PCDH15: variants seen among roughly 807,000 people sequenced by gnomAD.
PCDH15 encodes the protein protocadherin related 15, also known as protocadherin-15.
A neutral mutation model predicts 178.5 loss-of-function variants in PCDH15; 129 were observed. That is an observed-to-expected ratio of 0.72 (90% CI 0.63 to 0.84). PCDH15 has a LOEUF of 0.84. Ranked by LOEUF, PCDH15 falls within the 40% of genes least tolerant of loss-of-function variation. The pLI, the probability that PCDH15 is intolerant of heterozygous loss-of-function variation, is 0.00. For synonymous variants in PCDH15, 800 were observed against 732.0 expected, an observed-to-expected ratio of 1.09 and a Z score of -1.50; for missense variants, 2,230 against 2,099.9, an observed-to-expected ratio of 1.06 and a Z score of -1.21.
intron 2 of PCDH15, among the ~76,000 whole-genome samples, chr10:55,108,670 G>C (rs1303955623): frequency 1.3e-5 from 2 of 151,510 alleles, no homozygotes; most frequent in Non-Finnish European, 2.9e-5. Context: ...TAATATACCA[G>C]TAAACGTAAA....
At chr10:55,386,130 T>A (rs1001583856) in intron 2 of PCDH15, among the ~76,000 whole-genome samples, 2 of 151,982 alleles carry the variant, frequency 1.3e-5, no homozygotes, top group Non-Finnish European at 2.9e-5. Flanking sequence ...ACACACTAAC[T>A]ACACAAGATA....
At chr10:54,889,969 C>A (rs994060257) in intron 3 of PCDH15, among the ~76,000 whole-genome samples, 2 of 151,772 alleles carry the variant, frequency 1.3e-5, no homozygotes, top group Non-Finnish European at 2.9e-5. Context: ...ATAATTGTAC[C>A]TTTTTATTTA....
intron 2 of PCDH15, among the ~76,000 whole-genome samples, chr10:55,099,050 C>T (rs778347451): frequency 6.6e-6 from 1 of 151,958 alleles, no homozygotes; most frequent in Non-Finnish European, 1.5e-5. Flanking sequence ...GGTGTTTACC[C>T]CAGACAGTGA....
At chr10:55,013,419 G>A (rs1289151992) in intron 2 of PCDH15, among the ~76,000 whole-genome samples, 1 of 132,618 alleles carries the variant, frequency 7.5e-6, no homozygotes, top group Non-Finnish European at 1.6e-5. Context: ...ACCACACCAG[G>A]CAATTTGAAC....
At chr10:54,565,261 A>G (rs1234951170) in intron 2 of PCDH15, among the ~76,000 whole-genome samples, 1 of 152,190 alleles carries the variant, frequency 6.6e-6, no homozygotes, top group African/African-American at 2.4e-5. Flanking sequence ...GCATGTTGTC[A>G]CATAGTTGTC....
intron 1 of PCDH15, among the ~76,000 whole-genome samples, chr10:55,224,549 C>T (rs1421347081): frequency 6.6e-6 from 1 of 152,098 alleles, no homozygotes; most frequent in Non-Finnish European, 1.5e-5. Flanking sequence ...TCTAGACCAA[C>T]TAACCTTAGC....
intron 1 of PCDH15, among the ~76,000 whole-genome samples, chr10:54,784,306 A>G (rs2133449526): frequency 7.0e-6 from 1 of 143,746 alleles, no homozygotes; most frequent in Admixed American, 7.3e-5. Flanking sequence ...AAAATAAAAA[A>G]ATAAATAAAA....
At chr10:54,059,921 A>AT (rs540333012) in intron 18 of PCDH15, among the ~76,000 whole-genome samples, 170 of 152,306 alleles carry the variant, frequency 1.1e-3, no homozygotes, top group Admixed American at 0.01. Context: ...ATTATTACTG[A>AT]TTTTTTACTA....
At chr10:54,766,959 A>C (rs1252053134) in intron 1 of PCDH15, among the ~76,000 whole-genome samples, 4 of 151,946 alleles carry the variant, frequency 2.6e-5, no homozygotes, top group South Asian at 4.1e-4. Flanking sequence ...TCTATCCACT[A>C]TACACCTTTT....
At chr10:55,105,115 G>A (rs1842644308) in intron 2 of PCDH15, among the ~76,000 whole-genome samples, 1 of 152,134 alleles carries the variant, frequency 6.6e-6, no homozygotes, top group Admixed American at 6.5e-5. Context: ...ATGGTGTCAG[G>A]TATGGTCTGT....
chr10:54,575,196 T>C (rs2090331982), intron 2 of PCDH15: 1 of 148,462 alleles, frequency 6.7e-6, no homozygotes, highest in Admixed American at 6.7e-5. Flanking sequence ...ATATACCTAA[T>C]GCTAGATGAC....
Position 53,811,499 on chromosome 10 carries a change from T to G in PCDH15, c.4562+50A>C, listed in dbSNP as rs574141456. On this transcript the variant is annotated intron_variant, in intron 36 of 37. Transcript: ENST00000644397. Reference sequence around the variant, plus strand: ...TAATAATCATTTAATAATTTCCTATTAATAAAATATTAAAATAAGAATCTG... The same window carrying G: ...TAATAATCATTTAATAATTTCCTATGAATAAAATATTAAAATAAGAATCTG... The G allele has an allele frequency of 3.6e-5, 40 of 1,099,148 alleles. 1 individual carries two copies. The South Asian group carries it at 7.3e-4, about 20-fold the overall frequency. The allele number at this position is 1,099,148 out of a possible 1,614,324, so 68.1% of individuals were successfully genotyped here.
chr10:54,949,209 C>T (rs886976321), intron 2 of PCDH15, among the ~76,000 whole-genome samples: 3 of 151,774 alleles, frequency 2.0e-5, no homozygotes, highest in African/African-American at 7.3e-5. Context: ...ATTAAGGAAA[C>T]AAAGTTAATT....
chr10:54,229,889 C>A (rs1477604686), intron 9 of PCDH15, among the ~76,000 whole-genome samples: 1 of 152,264 alleles, frequency 6.6e-6, no homozygotes, highest in African/African-American at 2.4e-5. Flanking sequence ...TTTATGAACC[C>A]TCTCATCTCC....
In PCDH15 at chr10:54,613,721, C is replaced by G. The variant is rs146171140; in HGVS notation, c.91+50451G>C. On this transcript the variant is annotated intron_variant, in intron 2 of 37. Coordinates refer to ENST00000644397, the MANE Select transcript of PCDH15 (RefSeq NM_001384140.1). ...TGGTATTAAAAGGGGAAAAGATTGG[C>G]AGAAGCTTTATTCTAATCATGCACC... Among the ~76,000 whole-genome samples the G allele has an allele frequency of 6.4e-3, 973 of 151,782 alleles. 10 individuals carry two copies. Among genetic ancestry groups the G allele is most frequent in the African/African-American group, 0.023 (938 of 41,470 alleles).
At chr10:53,983,655 C>T (rs2090857054) in intron 21 of PCDH15, among the ~76,000 whole-genome samples, 1 of 152,140 alleles carries the variant, frequency 6.6e-6, no homozygotes, top group Admixed American at 6.5e-5. Context: ...GTAAACGTAA[C>T]TCGACCCTTA....
At chr10:54,241,244 G>T (rs79568236) in intron 8 of PCDH15, among the ~76,000 whole-genome samples, 1 of 152,194 alleles carries the variant, frequency 6.6e-6, no homozygotes, top group East Asian at 1.9e-4. Flanking sequence ...AATTGCTGTT[G>T]CTTATTCTCT....
chr10:54,119,725 A>T lies in PCDH15; in HGVS notation c.1917+13150T>A, dbSNP rs535897877. On this transcript the variant is annotated intron_variant, in intron 15 of 37. Transcript: ENST00000644397. The stretch of plus-strand genomic sequence containing the variant: ...CTGTCCAACATCAATACTTAAGAAA[A>T]TTTTTTTTTTTAGCAGTAAGCTCAA... 2.0e-4 allele frequency among the ~76,000 whole-genome samples: 29 copies of T among 148,484 alleles called. No individual in the cohort carries two copies. In the South Asian group the frequency reaches 2.6e-3, roughly 13 times the overall value.
intron 2 of PCDH15, among the ~76,000 whole-genome samples, chr10:54,908,192 G>A (rs1479413281): frequency 6.6e-6 from 1 of 152,204 alleles, no homozygotes; most frequent in South Asian, 2.1e-4. Context: ...CATGCCTGCC[G>A]AGGGTGAGCC....
Sources: gnomAD v4.1 joint callset for allele counts (sites outside exome capture counted in the v4.1 genomes callset) on GRCh38, gnomAD v4.1.1 for gene constraint, MANE v1.5 for transcripts, NCBI Gene and HGNC (gene_info 2026-07-23, HGNC 2026-07-21) for gene names.